TNR: variants seen among roughly 807,000 people sequenced by gnomAD.
The protein encoded by TNR is tenascin-R.
A neutral mutation model predicts 150.4 loss-of-function variants in TNR; 45 were observed. The observed-to-expected ratio is 0.30, with a 90% CI of 0.24 to 0.38. TNR has a LOEUF of 0.38. TNR is among the 10% of genes least tolerant of loss of function. The probability of loss-of-function intolerance (pLI) is 1.00; values close to 1 mark genes in which losing one functional copy is unlikely to be tolerated. For synonymous variants in TNR, 687 were observed against 678.4 expected (o/e 1.01, Z -0.20); for missense variants, 1,544 against 1,759.1 (o/e 0.88, Z 2.19).
At chr1:175,670,455 T>A (rs1398987944) in intron 1 of TNR, among the ~76,000 whole-genome samples, 3 of 152,154 alleles carry the variant, frequency 2.0e-5, no homozygotes, top group Non-Finnish European at 4.4e-5. Flanking sequence ...TGTTGGCAAT[T>A]TGTGAGCTCA....
intron 1 of TNR, among the ~76,000 whole-genome samples, chr1:175,635,439 C>T (rs930624539): frequency 4.6e-5 from 7 of 152,310 alleles, no homozygotes; most frequent in Non-Finnish European, 7.4e-5. Flanking sequence ...TTCCAATATT[C>T]GGCAAGAGTG....
intron 2 of TNR, among the ~76,000 whole-genome samples, chr1:175,418,237 G>T (rs1223797333): frequency 6.6e-6 from 1 of 152,086 alleles, no homozygotes; most frequent in Non-Finnish European, 1.5e-5. Flanking sequence ...CTAGGAGAAA[G>T]ATATTCATAT....
Position 175,365,987 on chromosome 1 carries a change from G to A in TNR, c.2205C>T (p.Asp735=), listed in dbSNP as rs1399381400. ...GIASEVTVPK[D]RTSYTLTDLE... ...GATCTGTTAGTGTGTATGAGGTCCT[G>A]TCCTTGGGTACGGTGACTTCTGAGG... Residue 735 remains aspartate (D), a synonymous_variant, in exon 11 of 23, where the codon GAC becomes GAT. Coordinates refer to ENST00000367674, the MANE Select transcript of TNR (RefSeq NM_003285.3). The A allele has an allele frequency of 6.2e-7, 1 of 1,614,168 alleles. No homozygotes were observed. The highest frequency in any genetic ancestry group is 1.7e-5 in the Admixed American group (1 of 60,022).
intron 1 of TNR, among the ~76,000 whole-genome samples, chr1:175,677,445 G>A (rs1261159057): frequency 6.6e-6 from 1 of 152,176 alleles, no homozygotes; most frequent in African/African-American, 2.4e-5. Flanking sequence ...AGCCACAGGA[G>A]GGAGAAGTCA....
At chr1:175,665,052 T>C (rs1426275325) in intron 1 of TNR, among the ~76,000 whole-genome samples, 1 of 152,222 alleles carries the variant, frequency 6.6e-6, no homozygotes, top group Non-Finnish European at 1.5e-5. Flanking sequence ...ACAGCCAACG[T>C]TCACATGAGC....
chr1:175,707,786 ACT>A (rs1008139294), intron 1 of TNR, among the ~76,000 whole-genome samples: 3 of 152,044 alleles, frequency 2.0e-5, no homozygotes, highest in African/African-American at 2.4e-5. Flanking sequence ...CACTCAGCAA[ACT>A]CTCTCTCTCA....
chr1:175,725,066 G>T (rs1182356006), intron 1 of TNR, among the ~76,000 whole-genome samples: 1 of 152,310 alleles, frequency 6.6e-6, no homozygotes, highest in South Asian at 2.1e-4. Flanking sequence ...TCAATGGGAA[G>T]TGCTTGAAGG....
In TNR at chr1:175,331,111, T is replaced by C. The variant is rs558720247; in HGVS notation, c.3632-876A>G. On this transcript the variant is annotated intron_variant, in intron 20 of 22. Transcript: ENST00000367674. ...TTTCTTTCTTTCTTTCTCTCTCTCT[T>C]TCTTTTCTTTCTTTCTTTCTTTTCT... 2.3e-3 allele frequency among the ~76,000 whole-genome samples: 326 copies of C among 139,370 alleles called. 21 individuals carry two copies. The highest frequency in any genetic ancestry group is 3.7e-3 in the Middle Eastern group (1 of 268). 91.4% of individuals were successfully genotyped at this position (139,370 alleles called of 152,430 possible). A position where few individuals can be genotyped will look rare whatever the true frequency, so the allele number is the denominator to read the frequency against.
intron 1 of TNR, among the ~76,000 whole-genome samples, chr1:175,651,449 G>A (rs1386684370): frequency 6.6e-6 from 1 of 151,810 alleles, no homozygotes; most frequent in Non-Finnish European, 1.5e-5. Context: ...TTCAAACACA[G>A]CAGACATTTT....
rs1260895583 is a variant in TNR at position 175,317,543 on chromosome 1, T to G, written c.*5814A>C. On this transcript the variant is annotated 3_prime_UTR_variant, in exon 23 of 23. Coordinates refer to ENST00000367674, the MANE Select transcript of TNR (RefSeq NM_003285.3). ...CAGTTCATGCATTCTTGTCCTTGTG[T>G]TCACTTACTGACAGTGCATCTGGAC... The G allele has an allele frequency of 6.6e-6, 1 of 152,264 alleles. No individual in the cohort carries two copies. The highest frequency in any genetic ancestry group is 1.5e-5 in the Non-Finnish European group (1 of 68,060). The allele number at this position is 152,264 out of a possible 1,614,324, so 9.4% of individuals were successfully genotyped here.
intron 2 of TNR, among the ~76,000 whole-genome samples, chr1:175,433,455 C>T (rs953613416): frequency 6.6e-6 from 1 of 152,182 alleles, no homozygotes; most frequent in Non-Finnish European, 1.5e-5. Context: ...CCAACAAACC[C>T]TTCACAGAAA....
At chr1:175,443,270 T>C (rs540081485) in intron 2 of TNR, among the ~76,000 whole-genome samples, 1 of 152,300 alleles carries the variant, frequency 6.6e-6, no homozygotes, top group East Asian at 1.9e-4. Flanking sequence ...TTTATTGCCA[T>C]CTTATTTTAA....
At chr1:175,335,867 G>A in intron 19 of TNR, 60 bp from the exon 20 acceptor site, 1 of 1,460,944 alleles carries the variant, frequency 6.8e-7, no homozygotes, top group Non-Finnish European at 9.5e-7. Flanking sequence ...CCAAAGAGAT[G>A]CTAAGGAAAA....
At chr1:175,535,271 G>A (rs1290027397) in intron 1 of TNR, among the ~76,000 whole-genome samples, 3 of 152,076 alleles carry the variant, frequency 2.0e-5, no homozygotes, top group Non-Finnish European at 4.4e-5. Flanking sequence ...AGTTACAATC[G>A]AATAATCCTA....
At chr1:175,621,624 G>A (rs1373956743) in intron 1 of TNR, among the ~76,000 whole-genome samples, 1 of 152,164 alleles carries the variant, frequency 6.6e-6, no homozygotes, top group Non-Finnish European at 1.5e-5. Flanking sequence ...TTCACAGCTA[G>A]CACTTGCTTG....
At chr1:175,734,193 T>C (rs567465658) in intron 1 of TNR, among the ~76,000 whole-genome samples, 10 of 152,344 alleles carry the variant, frequency 6.6e-5, no homozygotes, top group African/African-American at 2.2e-4. Context: ...GGCAACCTTG[T>C]GCCCCTGATC....
intron 2 of TNR, among the ~76,000 whole-genome samples, chr1:175,426,568 C>G (rs996221834): frequency 1.2e-4 from 18 of 152,110 alleles, no homozygotes; most frequent in African/African-American, 4.3e-4. Context: ...TAGTCAGATA[C>G]AAATCATAGC....
chr1:175,371,241 C>T (rs1652091321), intron 9 of TNR, among the ~76,000 whole-genome samples: 3 of 152,146 alleles, frequency 2.0e-5, no homozygotes, highest in Non-Finnish European at 4.4e-5. Context: ...GCCCTGTTCC[C>T]TTTCTTAACA....
intron 1 of TNR, among the ~76,000 whole-genome samples, chr1:175,704,766 C>T (rs946212214): frequency 6.6e-6 from 1 of 152,208 alleles, no homozygotes. Context: ...TGAGAATATG[C>T]CTTTCAAGTA....
Sources: gnomAD v4.1 joint callset for allele counts (sites outside exome capture counted in the v4.1 genomes callset) on GRCh38, gnomAD v4.1.1 for gene constraint, MANE v1.5 for transcripts, NCBI Gene and HGNC (gene_info 2026-07-23, HGNC 2026-07-21) for gene names.